SFMBT1: variants seen among roughly 807,000 people sequenced by gnomAD.
The protein encoded by SFMBT1 is scm-like with four MBT domains protein 1.
In SFMBT1, 32 loss-of-function variants were observed where a neutral mutation model predicts 108.7. The ratio of observed to expected loss-of-function variants is 0.29; its 90% CI spans 0.22 to 0.40. The LOEUF is 0.40. SFMBT1 is among the 10% of genes least tolerant of loss of function. The pLI, the probability that SFMBT1 is intolerant of heterozygous loss-of-function variation, is 1.00. For synonymous variants in SFMBT1, 348 were observed against 369.5 expected, an observed-to-expected ratio of 0.94 and a Z score of 0.67; for missense variants, 816 against 1,059.6, an observed-to-expected ratio of 0.77 and a Z score of 3.19.
Position 52,904,951 on chromosome 3 carries a change from G to C in SFMBT1, c.*185C>G. 1 of 577,064 alleles carries C rather than the reference G, an allele frequency of 1.7e-6. No individual in the cohort carries two copies. The allele number at this position is 577,064 out of a possible 1,614,324, so 35.7% of individuals were successfully genotyped here. ...GATGTCCACATTTCCACCAGCAGGT[G>C]ATCCACTTCTGTGCACAGTTTTTGC... On this transcript the variant is annotated 3_prime_UTR_variant, in exon 21 of 21. Coordinates refer to ENST00000394752, the MANE Select transcript of SFMBT1 (RefSeq NM_016329.4).
intron 1 of SFMBT1, among the ~76,000 whole-genome samples, chr3:53,036,120 A>G (rs965218477): frequency 6.6e-6 from 1 of 152,244 alleles, no homozygotes; most frequent in Admixed American, 6.5e-5. Context: ...AACATAGAGC[A>G]TGCCCTCAAA....
chr3:53,013,710 C>A (rs1484089956), intron 1 of SFMBT1, among the ~76,000 whole-genome samples: 1 of 142,290 alleles, frequency 7.0e-6, no homozygotes, highest in Non-Finnish European at 1.5e-5. Context: ...CTCACTGCAA[C>A]CTCCGCCTCC....
intron 2 of SFMBT1, among the ~76,000 whole-genome samples, chr3:52,966,005 CAAAAAAA>C (rs775989805): frequency 2.5e-4 from 14 of 55,044 alleles, no homozygotes; most frequent in South Asian, 1.6e-3. Context: ...GACTCCGTTT[CAAAAAAA>C]AAAAAAAAAA....
At chr3:52,941,053 C>T (rs62253604) in intron 4 of SFMBT1, among the ~76,000 whole-genome samples, 40,887 of 151,954 alleles carry the variant, frequency 0.27, 6,060 homozygotes, top group Middle Eastern at 0.4. Flanking sequence ...GTTAAGAAAA[C>T]GAGAGAGACA....
At chr3:52,994,712 C>A (rs1470285652) in intron 1 of SFMBT1, among the ~76,000 whole-genome samples, 1 of 150,076 alleles carries the variant, frequency 6.7e-6, no homozygotes, top group East Asian at 1.9e-4. Flanking sequence ...GTTGGCCGGG[C>A]TGGTCTCAAA....
intron 1 of SFMBT1, among the ~76,000 whole-genome samples, chr3:53,006,435 C>T (rs1698743400): frequency 6.6e-6 from 1 of 152,060 alleles, no homozygotes; most frequent in South Asian, 2.1e-4. Context: ...TCAAGACCAG[C>T]CTGACCATCA....
intron 2 of SFMBT1, among the ~76,000 whole-genome samples, chr3:52,965,337 TGAA>T (rs1230784064): frequency 1.8e-5 from 2 of 108,852 alleles, no homozygotes; most frequent in African/African-American, 7.0e-5. Flanking sequence ...AAAAAAAAAA[TGAA>T]GAGAGTCTGA....
chr3:53,022,381 T>C (rs539473345), intron 1 of SFMBT1, among the ~76,000 whole-genome samples: 6 of 134,426 alleles, frequency 4.5e-5, no homozygotes, highest in Non-Finnish European at 6.1e-5. Context: ...GCCCAGGAGG[T>C]AGACGCTGCA....
chr3:52,930,131 A>G (rs1702811360), intron 8 of SFMBT1, among the ~76,000 whole-genome samples, 198 bp downstream of exon 8: 2 of 152,252 alleles, frequency 1.3e-5, no homozygotes, highest in African/African-American at 4.8e-5. Context: ...TGCTTTGGCT[A>G]GGGCTACCAA....
At chr3:52,913,638 A>C in intron 14 of SFMBT1, 21 bp from the exon 15 acceptor site, 1 of 1,612,104 alleles carries the variant, frequency 6.2e-7, no homozygotes, top group Non-Finnish European at 8.5e-7. Flanking sequence ...AAGAAAAACA[A>C]ATATTCAAAA....
At chr3:53,001,017 T>C (rs1559544363) in intron 1 of SFMBT1, among the ~76,000 whole-genome samples, 1 of 150,092 alleles carries the variant, frequency 6.7e-6, no homozygotes, top group Non-Finnish European at 1.5e-5. Flanking sequence ...TAATGGATAT[T>C]TGGATGTTCA....
chr3:52,988,495 A>C (rs1252779789), intron 1 of SFMBT1, among the ~76,000 whole-genome samples: 1 of 152,194 alleles, frequency 6.6e-6, no homozygotes, highest in Admixed American at 6.5e-5. Context: ...ATCCTCGGGG[A>C]AACACAATGG....
intron 17 of SFMBT1, among the ~76,000 whole-genome samples, chr3:52,908,263 G>A (rs1039699790): frequency 2.6e-4 from 40 of 151,578 alleles, no homozygotes; most frequent in African/African-American, 9.2e-4. Flanking sequence ...TAGTAGAGAC[G>A]GGGTTTCACC....
intron 6 of SFMBT1, 89 bp downstream of exon 6, chr3:52,931,973 A>G (rs1216795663): frequency 2.1e-6 from 3 of 1,404,384 alleles, no homozygotes; most frequent in Non-Finnish European, 2.9e-6. Flanking sequence ...AGGTTTTCAT[A>G]ATATGCAGAA....
chr3:53,041,503 G>A (rs566770389), intron 1 of SFMBT1, among the ~76,000 whole-genome samples: 1 of 152,010 alleles, frequency 6.6e-6, no homozygotes, highest in Non-Finnish European at 1.5e-5. Flanking sequence ...TTCAAGACTA[G>A]CCTGACCAAC....
At chr3:52,979,619 G>A (rs898679040) in intron 1 of SFMBT1, among the ~76,000 whole-genome samples, 3 of 152,154 alleles carry the variant, frequency 2.0e-5, no homozygotes, top group African/African-American at 7.2e-5. Context: ...CTACAGTATG[G>A]CACTTCCCAC....
At chr3:53,016,703 A>T (rs1469359219) in intron 1 of SFMBT1, among the ~76,000 whole-genome samples, 1 of 152,124 alleles carries the variant, frequency 6.6e-6, no homozygotes, top group African/African-American at 2.4e-5. Context: ...TGACAGTTCT[A>T]TGTGATTATT....
At chr3:53,013,000 C>T (rs779876837) in intron 1 of SFMBT1, among the ~76,000 whole-genome samples, 8 of 151,536 alleles carry the variant, frequency 5.3e-5, no homozygotes, top group Non-Finnish European at 1.0e-4. Context: ...CAAAAAAACC[C>T]ATAAAAAATT....
intron 1 of SFMBT1, among the ~76,000 whole-genome samples, chr3:52,989,126 A>G (rs957633675): frequency 8.5e-5 from 13 of 152,254 alleles, no homozygotes; most frequent in African/African-American, 3.1e-4. Flanking sequence ...CCTTAAAAAT[A>G]ATTTGGTTTC....
Sources: gnomAD v4.1 joint callset for allele counts (sites outside exome capture counted in the v4.1 genomes callset) on GRCh38, gnomAD v4.1.1 for gene constraint, MANE v1.5 for transcripts, NCBI Gene and HGNC (gene_info 2026-07-23, HGNC 2026-07-21) for gene names.